ABCB4: variants seen among roughly 807,000 people sequenced by gnomAD.
The protein encoded by ABCB4 is ATP binding cassette subfamily B member 4.
A neutral mutation model predicts 145.7 loss-of-function variants in ABCB4; 76 were observed. That is an observed-to-expected ratio of 0.52 (90% CI 0.43 to 0.63). The LOEUF (loss-of-function observed/expected upper bound fraction) is 0.63, where lower values mean the gene tolerates loss of function less well. Among genes scored for constraint, ABCB4 ranks in the 30% least tolerant of loss-of-function variants. The pLI is 0.00. For missense variants in ABCB4, 1,234 were observed against 1,553.1 expected, an observed-to-expected ratio of 0.79 and a Z score of 3.45; for synonymous variants, 517 against 566.8, an observed-to-expected ratio of 0.91 and a Z score of 1.25.
At chr7:87,475,716 T>G, upstream of ABCB4, 1 of 428,694 alleles carries the variant, frequency 2.3e-6, no homozygotes, top group Non-Finnish European at 4.1e-6. Context: ...CGCCGCGGCC[T>G]CGCCCCCGCC....
intron 25 of ABCB4, 139 bp from the exon 26 acceptor site, chr7:87,406,633 C>T: frequency 1.1e-6 from 1 of 886,898 alleles, no homozygotes; most frequent in Non-Finnish European, 1.7e-6. Flanking sequence ...AGACTTATAC[C>T]ATTGAGGCCA....
In ABCB4 at chr7:87,431,277, T is replaced by C. The variant is rs1463690688; in HGVS notation, c.1893+127A>G. On this transcript the variant is annotated intron_variant, in intron 15 of 27. Coordinates refer to ENST00000649586, the MANE Select transcript of ABCB4 (RefSeq NM_000443.4). ...AGATTCTGATTTAAAGTCTCAGATA[T>C]ACACTTTTAGGCATCTTGTTGAAGT... 9 of 1,236,226 alleles carry C rather than the reference T, an allele frequency of 7.3e-6. No individual in the cohort carries two copies. The Admixed American group carries it at 1.3e-4, about 18-fold the overall frequency. The allele number at this position is 1,236,226 out of a possible 1,614,324, so 76.6% of individuals were successfully genotyped here.
At chr7:87,392,923 A>C in the ABCB4 span, 1 of 1,612,846 alleles carries the variant, frequency 6.2e-7, no homozygotes, top group Non-Finnish European at 8.5e-7. Context: ...GGCCTAGTAA[A>C]ATGTTCTTTT....
At chr7:87,462,439 G>C (rs541451957) in intron 4 of ABCB4, among the ~76,000 whole-genome samples, 1 of 152,214 alleles carries the variant, frequency 6.6e-6, no homozygotes, top group Admixed American at 6.5e-5. Context: ...ATTACTAATG[G>C]GATGGATACT....
Position 87,401,753 on chromosome 7 carries a change from T to C in ABCB4, c.*343A>G. ...ACTTGGGAAAATTATTCCCAAACTT[T>C]CCTGTCTACCCAACCCATTCAGGAC... On this transcript the variant is annotated 3_prime_UTR_variant, in exon 28 of 28. Coordinates refer to ENST00000649586, the MANE Select transcript of ABCB4 (RefSeq NM_000443.4). The C allele has an allele frequency of 3.0e-6, 1 of 333,970 alleles. No homozygotes were observed. The highest frequency in any genetic ancestry group is 5.7e-6 in the Non-Finnish European group (1 of 175,256). The allele number at this position is 333,970 out of a possible 1,614,324, so 20.7% of individuals were successfully genotyped here.
At chr7:87,410,359 G>T (rs939216797) in intron 23 of ABCB4, among the ~76,000 whole-genome samples, 3 of 152,094 alleles carry the variant, frequency 2.0e-5, no homozygotes, top group African/African-American at 7.2e-5. Flanking sequence ...CCTAGGGGCT[G>T]GGATGAGAGG....
chr7:87,441,383 A>T (rs1244600981), intron 12 of ABCB4, among the ~76,000 whole-genome samples: 1 of 151,394 alleles, frequency 6.6e-6, no homozygotes, highest in Admixed American at 6.6e-5. Flanking sequence ...GTGATAGCTT[A>T]TATCTGTTTT....
intron 25 of ABCB4, among the ~76,000 whole-genome samples, chr7:87,407,325 T>C (rs1017101059): frequency 1.3e-5 from 2 of 152,160 alleles, no homozygotes; most frequent in Non-Finnish European, 2.9e-5. Context: ...ATAGCTATAA[T>C]AGCAAAGCAG....
chr7:87,409,461 G>T, intron 23 of ABCB4, 69 bp from the exon 24 acceptor site: 1 of 1,503,130 alleles, frequency 6.7e-7, no homozygotes. Context: ...AAAGTCTAAA[G>T]GTATAGTGCT....
Position 87,414,685 on chromosome 7 carries a change from T to TA in ABCB4, c.2683-969dup, listed in dbSNP as rs11444144. On this transcript the variant is annotated intron_variant, in intron 21 of 27. Coordinates refer to ENST00000649586, the MANE Select transcript of ABCB4 (RefSeq NM_000443.4). The stretch of plus-strand genomic sequence containing the variant: ...TTAACAGCTTTAAGACTTTTTTTTT[T>TA]ACCTCAGTTCTTAGCTTCTGCAATG... Among the ~76,000 whole-genome samples the TA allele has an allele frequency of 0.012, 1,753 of 152,270 alleles. 103 individuals are homozygous for TA. In the East Asian group the frequency reaches 0.12, roughly 11 times the overall value.
intron 3 of ABCB4, among the ~76,000 whole-genome samples, chr7:87,467,815 A>T (rs569548328): frequency 6.6e-6 from 1 of 152,344 alleles, no homozygotes; most frequent in South Asian, 2.1e-4. Context: ...TAACGAAATG[A>T]AGGCAGAAAT....
At chr7:87,377,511 C>T in the ABCB4 span, 3 of 961,776 alleles carry the variant, frequency 3.1e-6, no homozygotes, top group Admixed American at 3.7e-5. Context: ...TGACAATAAA[C>T]CATAAATACT....
At chr7:87,463,486 T>A (rs1017387837) in intron 3 of ABCB4, among the ~76,000 whole-genome samples, 4 of 152,190 alleles carry the variant, frequency 2.6e-5, no homozygotes, top group African/African-American at 9.7e-5. Flanking sequence ...ATGCAGAACC[T>A]TTTTTAAAAA....
At chr7:87,427,181 C>T (rs1422671626) in intron 15 of ABCB4, among the ~76,000 whole-genome samples, 3 of 151,892 alleles carry the variant, frequency 2.0e-5, no homozygotes, top group Non-Finnish European at 2.9e-5. Context: ...ACACATTTTT[C>T]GTAATCCAGA....
At chr7:87,387,759 C>T in the ABCB4 span, among the ~76,000 whole-genome samples, 1 of 152,094 alleles carries the variant, frequency 6.6e-6, no homozygotes, top group Non-Finnish European at 1.5e-5. Flanking sequence ...CGAGACTAGC[C>T]TGGCCAACAT....
chr7:87,391,801 A>G, the ABCB4 span: 15 of 1,302,898 alleles, frequency 1.2e-5, no homozygotes, highest in Admixed American at 2.6e-5. Flanking sequence ...TCTTTGCTTC[A>G]GTTTTCCTGG....
At chr7:87,403,565 C>T (rs1382154344) in intron 26 of ABCB4, among the ~76,000 whole-genome samples, 1 of 152,166 alleles carries the variant, frequency 6.6e-6, no homozygotes, top group Non-Finnish European at 1.5e-5. Flanking sequence ...CATTTGTTGT[C>T]ATTATCAAGT....
the ABCB4 span, among the ~76,000 whole-genome samples, chr7:87,380,763 C>G: frequency 1.3e-5 from 2 of 152,174 alleles, no homozygotes; most frequent in Admixed American, 6.5e-5. Flanking sequence ...TTCCTACTGG[C>G]TCCAGTAAAA....
chr7:87,412,450 G>T (rs549829677), intron 22 of ABCB4, among the ~76,000 whole-genome samples: 1 of 152,210 alleles, frequency 6.6e-6, no homozygotes, highest in South Asian at 2.1e-4. Flanking sequence ...ATTGTACTCT[G>T]TTAGGTTAAA....
Sources: allele counts gnomAD v4.1 joint callset (sites outside exome capture counted in the v4.1 genomes callset), GRCh38; gene constraint gnomAD v4.1.1; transcripts MANE v1.5; gene names NCBI Gene and HGNC (gene_info 2026-07-23, HGNC 2026-07-21).